The following ABCC4 variants were observed in gnomAD, a reference collection of about 807,000 sequenced individuals.
The protein encoded by ABCC4 is ATP-binding cassette sub-family C member 4.
Under a neutral mutation model 168.5 loss-of-function variants are expected in ABCC4, and 102 were observed. The observed-to-expected ratio is 0.61, with a 90% CI of 0.52 to 0.71. The LOEUF (loss-of-function observed/expected upper bound fraction) is 0.71, where lower values mean the gene tolerates loss of function less well. Ranked by LOEUF, ABCC4 falls within the 30% of genes least tolerant of loss-of-function variation. The probability of loss-of-function intolerance (pLI) is 0.00; values close to 1 mark genes in which losing one functional copy is unlikely to be tolerated. For missense variants in ABCC4, 1,402 were observed against 1,605.8 expected, an observed-to-expected ratio of 0.87 and a Z score of 2.17; for synonymous variants, 617 against 590.7, an observed-to-expected ratio of 1.04 and a Z score of -0.65.
rs1566355114 is a variant in ABCC4 at position 95,029,180 on chromosome 13, A to ATCTATATCTATATC, written c.3870+5424_3870+5425insGATATAGATATAGA. Among the ~76,000 whole-genome samples, 59 of 41,396 alleles carry ATCTATATCTATATC rather than the reference A, an allele frequency of 1.4e-3. 1 individual carries two copies. Among genetic ancestry groups the ATCTATATCTATATC allele is most frequent in the East Asian group, 7.5e-3 (11 of 1,464 alleles). The allele number at this position is 41,396 out of a possible 152,430, so 27.2% of individuals were successfully genotyped here. ...TTAAAAAAAATACATATATATATAT[A>ATCTATATCTATATC]TATATATATATATATATATATATAT... On this transcript the variant is annotated intron_variant, in intron 30 of 30. Coordinates refer to ENST00000645237, the MANE Select transcript of ABCC4 (RefSeq NM_005845.5).
Position 95,128,512 on chromosome 13 carries a change from G to A in ABCC4, c.2456-12511C>T, listed in dbSNP as rs114247335. Among the ~76,000 whole-genome samples, 937 of 152,284 alleles carry A rather than the reference G, an allele frequency of 6.2e-3. 8 individuals carry two copies. Among genetic ancestry groups the A allele is most frequent in the African/African-American group, 0.021 (871 of 41,542 alleles). On this transcript the variant is annotated intron_variant, in intron 19 of 30. Transcript: ENST00000645237. ...ACAGGGCGTCTGCAAGTCCTTGTTG[G>A]CTCTGAACATCATAGCTGTGCAACT...
intron 1 of ABCC4, among the ~76,000 whole-genome samples, chr13:95,273,778 T>C (rs1229383753): frequency 1.3e-5 from 2 of 149,930 alleles, no homozygotes; most frequent in African/African-American, 4.9e-5. Flanking sequence ...TGATAGTGGA[T>C]AAGTCTCACG....
In ABCC4 at chr13:95,020,897, C is replaced by A. The variant is rs184552816; in HGVS notation, c.*678G>T. 2.6e-4 allele frequency: 39 copies of A among 152,524 alleles called. No homozygotes were observed. The East Asian group carries it at 4.0e-3, about 16-fold the overall frequency. 9.4% of individuals were successfully genotyped at this position (152,524 alleles called of 1,614,324 possible). On this transcript the variant is annotated 3_prime_UTR_variant, in exon 31 of 31. Coordinates refer to ENST00000645237, the MANE Select transcript of ABCC4 (RefSeq NM_005845.5). Reference sequence around the variant, plus strand: ...ATTTGTGTCCTTCAGTATCAAAGCACCTTTAAGGGCTTCCATTTTGAGAAA... The same window carrying A: ...ATTTGTGTCCTTCAGTATCAAAGCAACTTTAAGGGCTTCCATTTTGAGAAA...
At chr13:95,200,471 C>T (rs1285910335) in intron 8 of ABCC4, among the ~76,000 whole-genome samples, 1 of 152,128 alleles carries the variant, frequency 6.6e-6, no homozygotes, top group Non-Finnish European at 1.5e-5. Context: ...CGCTGTAATC[C>T]CAACACTTTG....
chr13:95,053,063 C>T (rs368919114), intron 27 of ABCC4, 32 bp downstream of exon 27: 468 of 1,571,828 alleles, frequency 3.0e-4, no homozygotes, highest in Non-Finnish European at 3.9e-4. Flanking sequence ...CTGAGGCTAA[C>T]AGACTAAAGA....
chr13:95,070,493 G>A (rs946178259), intron 25 of ABCC4, among the ~76,000 whole-genome samples: 5 of 152,138 alleles, frequency 3.3e-5, no homozygotes, highest in African/African-American at 1.2e-4. Context: ...CCTAGCCAAG[G>A]GCCCCAGGAC....
At chr13:95,048,045 A>T (rs1012305290) in intron 27 of ABCC4, among the ~76,000 whole-genome samples, 2 of 152,206 alleles carry the variant, frequency 1.3e-5, no homozygotes, top group African/African-American at 4.8e-5. Context: ...TCATTTTGTG[A>T]CATGTCTATT....
intron 4 of ABCC4, among the ~76,000 whole-genome samples, chr13:95,230,405 T>C (rs1402166017): frequency 6.6e-6 from 1 of 152,132 alleles, no homozygotes; most frequent in Non-Finnish European, 1.5e-5. Context: ...AGTATGATGG[T>C]TCCTCAAAAA....
chr13:95,242,321 A>G (rs1160248902), intron 3 of ABCC4, among the ~76,000 whole-genome samples: 48 of 151,082 alleles, frequency 3.2e-4, no homozygotes. Flanking sequence ...TCCACCTCCC[A>G]GGTTCAAGCA....
At chr13:95,237,640 A>T (rs2039810630) in intron 3 of ABCC4, among the ~76,000 whole-genome samples, 1 of 152,190 alleles carries the variant, frequency 6.6e-6, no homozygotes, top group South Asian at 2.1e-4. Flanking sequence ...TTTGGTACTC[A>T]GCCTCCTGAC....
intron 7 of ABCC4, among the ~76,000 whole-genome samples, 187 bp downstream of exon 7, chr13:95,207,613 A>G (rs1417659701): frequency 2.6e-5 from 4 of 152,240 alleles, no homozygotes; most frequent in Admixed American, 2.6e-4. Flanking sequence ...AGAACATGGT[A>G]AATGGAAGAC....
At chr13:95,281,552 T>G (rs958797922) in intron 1 of ABCC4, among the ~76,000 whole-genome samples, 12 of 152,134 alleles carry the variant, frequency 7.9e-5, no homozygotes, top group African/African-American at 2.9e-4. Context: ...GAAGTGTTTA[T>G]GAAGATTGGT....
At chr13:95,068,152 T>C (rs2033609489) in intron 25 of ABCC4, among the ~76,000 whole-genome samples, 1 of 152,194 alleles carries the variant, frequency 6.6e-6, no homozygotes, top group African/African-American at 2.4e-5. Context: ...CTGGAAACAA[T>C]GCCCCTCTCC....
intron 19 of ABCC4, among the ~76,000 whole-genome samples, chr13:95,150,883 T>C (rs2036651586): frequency 6.6e-6 from 1 of 152,214 alleles, no homozygotes. Flanking sequence ...GTGAGTCCAC[T>C]TGAAGCTTAG....
At chr13:95,085,521 T>C (rs1396008778) in intron 20 of ABCC4, among the ~76,000 whole-genome samples, 1 of 152,160 alleles carries the variant, frequency 6.6e-6, no homozygotes, top group East Asian at 1.9e-4. Flanking sequence ...AAGGAAGACT[T>C]ACAACTGATT....
chr13:95,145,279 C>T (rs917255319), intron 19 of ABCC4, among the ~76,000 whole-genome samples: 37 of 151,960 alleles, frequency 2.4e-4, no homozygotes, highest in Admixed American at 1.2e-3. Context: ...CCTAGCAATC[C>T]ACTACTGGGT....
intron 1 of ABCC4, among the ~76,000 whole-genome samples, chr13:95,257,309 T>C (rs1214116260): frequency 6.6e-6 from 1 of 152,180 alleles, no homozygotes; most frequent in Admixed American, 6.5e-5. Context: ...TCACATTGAA[T>C]AGGCTGAAGA....
chr13:95,061,050 A>G (rs1220974389), intron 26 of ABCC4, among the ~76,000 whole-genome samples: 1 of 152,172 alleles, frequency 6.6e-6, no homozygotes, highest in Non-Finnish European at 1.5e-5. Context: ...TCTTTAGGGT[A>G]TATCTGCATT....
chr13:95,242,034 A>AC (rs1566560930), intron 3 of ABCC4, among the ~76,000 whole-genome samples: 6 of 152,106 alleles, frequency 3.9e-5, no homozygotes, highest in Non-Finnish European at 7.3e-5. Context: ...ACACACAAAA[A>AC]AAATTGGCAA....
Sources: allele counts gnomAD v4.1 joint callset (sites outside exome capture counted in the v4.1 genomes callset), GRCh38; gene constraint gnomAD v4.1.1; transcripts MANE v1.5; gene names NCBI Gene and HGNC (gene_info 2026-07-23, HGNC 2026-07-21).